MAP3K5: variants seen among roughly 807,000 people sequenced by gnomAD.
MAP3K5 encodes the protein ASK-1.
Under a neutral mutation model 158.7 loss-of-function variants are expected in MAP3K5, and 56 were observed. That is an observed-to-expected ratio of 0.35 (90% confidence interval 0.28 to 0.44). The LOEUF is 0.44. Ranked by LOEUF, MAP3K5 falls within the 20% of genes least tolerant of loss-of-function variation. MAP3K5 has a pLI of 1.00. For synonymous variants in MAP3K5, 579 were observed against 601.7 expected, an observed-to-expected ratio of 0.96 and a Z score of 0.55; for missense variants, 1,294 against 1,674.8, an observed-to-expected ratio of 0.77 and a Z score of 3.97.
intron 1 of MAP3K5, among the ~76,000 whole-genome samples, chr6:136,744,839 C>T (rs528531042): frequency 3.3e-5 from 5 of 152,234 alleles, no homozygotes; most frequent in Admixed American, 6.5e-5. Flanking sequence ...TGTAGGGTGG[C>T]CATCAGGATT....
intron 24 of MAP3K5, among the ~76,000 whole-genome samples, chr6:136,581,010 T>C (rs1212292522): frequency 6.6e-6 from 1 of 152,132 alleles, no homozygotes; most frequent in Non-Finnish European, 1.5e-5. Flanking sequence ...TATGGTTCAG[T>C]GGCATTAAGT....
chr6:136,701,239 T>C (rs1482204062), intron 3 of MAP3K5, among the ~76,000 whole-genome samples: 1 of 152,210 alleles, frequency 6.6e-6, no homozygotes, highest in Non-Finnish European at 1.5e-5. Context: ...TAACCTTCTG[T>C]CACTTTCTAC....
At chr6:136,640,218 C>T (rs1777860429) in intron 12 of MAP3K5, among the ~76,000 whole-genome samples, 3 of 152,216 alleles carry the variant, frequency 2.0e-5, no homozygotes, top group African/African-American at 2.4e-5. Flanking sequence ...GGATTGGCAA[C>T]CATTTTCTGT....
chr6:136,638,668 T>C (rs530912945), intron 13 of MAP3K5, among the ~76,000 whole-genome samples: 1 of 152,268 alleles, frequency 6.6e-6, no homozygotes, highest in Non-Finnish European at 1.5e-5. Flanking sequence ...AAGTGTTTTT[T>C]TTTCCCCCAC....
intron 14 of MAP3K5, among the ~76,000 whole-genome samples, chr6:136,626,220 GGT>G (rs113058530): frequency 0.012 from 1,853 of 152,234 alleles, 35 homozygotes; most frequent in African/African-American, 0.043. Context: ...GCAGTCGGGT[GGT>G]GTCTTCTGGG....
chr6:136,604,859 A>T (rs1776036805), intron 19 of MAP3K5, among the ~76,000 whole-genome samples: 1 of 152,212 alleles, frequency 6.6e-6, no homozygotes, highest in Non-Finnish European at 1.5e-5. Context: ...AATGGATTAT[A>T]AAAAAAGTTC....
intron 7 of MAP3K5, among the ~76,000 whole-genome samples, chr6:136,678,637 C>T (rs1369386237): frequency 6.6e-6 from 1 of 151,860 alleles, no homozygotes; most frequent in Admixed American, 6.6e-5. Context: ...AATTTAGTGG[C>T]TATCTTTGAG....
chr6:136,580,969 C>T lies in MAP3K5; in HGVS notation c.3412-563G>A, dbSNP rs555744354. 2.9e-4 allele frequency among the ~76,000 whole-genome samples: 44 copies of T among 152,168 alleles called. 1 individual carries two copies. Among genetic ancestry groups the T allele is most frequent in the African/African-American group, 1.0e-3 (43 of 41,500 alleles). On this transcript the variant is annotated intron_variant, in intron 24 of 29. Transcript: ENST00000359015. ...TGCTGGCATTGCAGACATGAGCCAC[C>T]GTGCCTGGCCATCTTAGCCATTTTT...
intron 8 of MAP3K5, among the ~76,000 whole-genome samples, chr6:136,665,422 T>C (rs1464421974): frequency 6.6e-6 from 1 of 151,588 alleles, no homozygotes; most frequent in Non-Finnish European, 1.5e-5. Flanking sequence ...TCTTGGCTCA[T>C]TGCAACTTCC....
In MAP3K5 at chr6:136,592,191, T is replaced by G. The variant is rs770762953; in HGVS notation, c.3207A>C (p.Leu1069=). The change falls in exon 23 of 30, where the codon CTA becomes CTC. Residue 1069 remains leucine (L), a synonymous_variant. Transcript: ENST00000359015. ...TEDQDKIVRN[L]MESLAQGAEE... ...GATTTACCTGAGCTAAAGATTCCAT[T>G]AGGTTTCTCACAATTTTGTCTTGGT... 6.3e-7 allele frequency: 1 copy of G among 1,596,014 alleles called. No individual in the cohort carries two copies. The highest frequency in any genetic ancestry group is 1.1e-5 in the South Asian group (1 of 87,838).
chr6:136,732,150 C>A (rs181202685), intron 1 of MAP3K5, among the ~76,000 whole-genome samples: 29 of 152,232 alleles, frequency 1.9e-4, no homozygotes, highest in African/African-American at 6.5e-4. Context: ...AAGTACCAGG[C>A]GCAGTGGCTC....
intron 18 of MAP3K5, among the ~76,000 whole-genome samples, chr6:136,608,814 A>G (rs1212551475): frequency 6.6e-6 from 1 of 152,230 alleles, no homozygotes; most frequent in African/African-American, 2.4e-5. Context: ...CACAGTAAGC[A>G]CTCCATAAAT....
chr6:136,639,198 T>G (rs1389939148), intron 13 of MAP3K5, among the ~76,000 whole-genome samples: 1 of 152,168 alleles, frequency 6.6e-6, no homozygotes, highest in Non-Finnish European at 1.5e-5. Flanking sequence ...TAGATAATAC[T>G]GAGACGATTT....
chr6:136,651,045 G>A lies in MAP3K5; in HGVS notation c.1727C>T (p.Ser576Phe), dbSNP rs2114399394. 1 of 1,611,352 alleles carries A rather than the reference G, an allele frequency of 6.2e-7. No individual in the cohort carries two copies. The highest frequency in any genetic ancestry group is 2.2e-5 in the East Asian group (1 of 44,800). ...PTKIYQPSYL[S>F]INNEVEEKTI... ...CTTTTCCTCAACTTCATTGTTGATAGACAAATAAGAAGGTTGATAGATTTT... is the reference window on the plus strand; with the variant it reads ...CTTTTCCTCAACTTCATTGTTGATAAACAAATAAGAAGGTTGATAGATTTT... The change falls in exon 11 of 30, where the codon TCT becomes TTT. Residue 576 changes from serine (S) to phenylalanine (F), a missense_variant. Physicochemically the swap from Ser to Phe is radical, Grantham distance 155. Around this residue, in one of 5 missense-constraint regions of MAP3K5, gnomAD observed 690 missense variants for 870.5 expected, o/e 0.79. Coordinates refer to ENST00000359015, the MANE Select transcript of MAP3K5 (RefSeq NM_005923.4).
chr6:136,565,568 C>T (rs1774062717), intron 26 of MAP3K5, among the ~76,000 whole-genome samples: 1 of 152,214 alleles, frequency 6.6e-6, no homozygotes. Context: ...GATTTCCCTT[C>T]ATCAGTGATC....
At chr6:136,687,922 T>C (rs1391466694) in intron 7 of MAP3K5, among the ~76,000 whole-genome samples, 1 of 152,194 alleles carries the variant, frequency 6.6e-6, no homozygotes, top group East Asian at 1.9e-4. Context: ...ATTATTGGTA[T>C]ATACCCAAAG....
At chr6:136,769,767 GGAAGGAAGGA>G (rs1784106534) in intron 1 of MAP3K5, among the ~76,000 whole-genome samples, 15 of 42,650 alleles carry the variant, frequency 3.5e-4, no homozygotes, top group African/African-American at 9.8e-4. Flanking sequence ...AAGGAAGGAA[GGAAGGAAGGA>G]AGGAAGGAAG....
intron 1 of MAP3K5, among the ~76,000 whole-genome samples, chr6:136,743,620 C>G (rs143152344): frequency 1.2e-3 from 187 of 152,324 alleles, no homozygotes; most frequent in African/African-American, 4.3e-3. Context: ...GCAAGACAGT[C>G]TGGTGGTTTA....
At chr6:136,781,525 C>T (rs1366793440) in intron 1 of MAP3K5, among the ~76,000 whole-genome samples, 4 of 152,174 alleles carry the variant, frequency 2.6e-5, no homozygotes, top group Admixed American at 2.0e-4. Flanking sequence ...GTATAGAGAA[C>T]GAAACATCTG....
Sources: allele counts gnomAD v4.1 joint callset (sites outside exome capture counted in the v4.1 genomes callset), GRCh38; gene constraint gnomAD v4.1.1; regional missense constraint gnomAD v4.1.1; transcripts MANE v1.5; gene names NCBI Gene and HGNC (gene_info 2026-07-23, HGNC 2026-07-21).